The following XPO7 variants were observed in gnomAD, a reference collection of about 807,000 sequenced individuals.
The protein encoded by XPO7 is exportin 7, also known as exportin-7.
XPO7 carries 21 observed loss-of-function variants against 144.3 expected under a neutral mutation model. That is an observed-to-expected ratio of 0.15 (90% confidence interval 0.10 to 0.21). The LOEUF (loss-of-function observed/expected upper bound fraction) is 0.21, where lower values mean the gene tolerates loss of function less well. Among genes scored for constraint, XPO7 ranks in the 10% least tolerant of loss-of-function variants. The pLI is 1.00. For synonymous variants in XPO7, 580 were observed against 499.6 expected, an observed-to-expected ratio of 1.16 and a Z score of -2.15; for missense variants, 808 against 1,325.8, an observed-to-expected ratio of 0.61 and a Z score of 6.06.
Position 21,919,790 on chromosome 8 carries a change from T to G in XPO7, c.18+2T>G. 1 of 481,454 alleles carries G rather than the reference T, an allele frequency of 2.1e-6. No homozygotes were observed. Among genetic ancestry groups the G allele is most frequent in the Admixed American group, 5.1e-5 (1 of 19,418 alleles). 29.8% of individuals were successfully genotyped at this position (481,454 alleles called of 1,614,324 possible). On this transcript the variant is annotated splice_donor_variant, in intron 1 of 27. Transcript: ENST00000252512. LOFTEE classifies it high-confidence loss of function. ...AGCAAAATGGCGGATCATGTGCAGGTGAGAGGAGCCGCGGGGGGGAGGGGG... is the reference window on the plus strand; with the variant it reads ...AGCAAAATGGCGGATCATGTGCAGGGGAGAGGAGCCGCGGGGGGGAGGGGG...
At chr8:21,973,375 T>C (rs1380273349) in intron 5 of XPO7, among the ~76,000 whole-genome samples, 1 of 152,240 alleles carries the variant, frequency 6.6e-6, no homozygotes, top group Non-Finnish European at 1.5e-5. Flanking sequence ...TAGTGTGTAA[T>C]CATTCTCTGT....
At chr8:21,952,282 C>T (rs1324010870) in intron 1 of XPO7, among the ~76,000 whole-genome samples, 1 of 151,354 alleles carries the variant, frequency 6.6e-6, no homozygotes, top group African/African-American at 2.4e-5. Context: ...TTAGTATCAA[C>T]CCTGTTCTTC....
chr8:21,922,569 T>C (rs1168957343), intron 1 of XPO7, among the ~76,000 whole-genome samples: 2 of 152,178 alleles, frequency 1.3e-5, no homozygotes, highest in Non-Finnish European at 2.9e-5. Flanking sequence ...TTAACATATC[T>C]AAAGCTGGTA....
At chr8:21,996,090 C>T (rs560919326) in intron 21 of XPO7, among the ~76,000 whole-genome samples, 1 of 152,284 alleles carries the variant, frequency 6.6e-6, no homozygotes, top group African/African-American at 2.4e-5. Flanking sequence ...GCTGGGATTA[C>T]AGGCGTGAGC....
At position 22,004,744 on chromosome 8, in the gene XPO7, A is replaced by G. The variant is rs571995523; in HGVS notation, c.3171-251A>G. The stretch of plus-strand genomic sequence containing the variant: ...CTTACTGCCCTCACGTGTGAGGGCA[A>G]CTTCCTACTTCTGTCAGTGAGATTT... On this transcript the variant is annotated intron_variant, in intron 27 of 27. Coordinates refer to ENST00000252512, the MANE Select transcript of XPO7 (RefSeq NM_015024.5). 7.2e-5 allele frequency among the ~76,000 whole-genome samples: 11 copies of G among 151,968 alleles called. No homozygotes were observed. The South Asian group carries it at 1.9e-3, about 26-fold the overall frequency.
chr8:21,999,248 C>A lies in XPO7; in HGVS notation c.2586C>A (p.Asp862Glu). Residue 862 changes from aspartate to glutamate, a missense_variant, in exon 23 of 28, where the codon GAC becomes GAA. Asp to Glu is a conservative substitution (Grantham distance 45). Transcript: ENST00000252512. ...GTCTCTATGGAGACGATGCCCTGGA[C>A]AATGCTCTGCAGACCTTCATCAAGC... ...VFRLYGDDAL[D>E]NALQTFIKLL... 6.2e-7 allele frequency: 1 copy of A among 1,613,712 alleles called. No homozygotes were observed.
intron 27 of XPO7, among the ~76,000 whole-genome samples, chr8:22,004,792 A>G (rs1813268266): frequency 6.6e-6 from 1 of 151,976 alleles, no homozygotes; most frequent in South Asian, 2.1e-4. Context: ...CATGAGCCCA[A>G]GGTAGCCCTC....
chr8:22,001,859 G>A (rs1344987056), intron 24 of XPO7, among the ~76,000 whole-genome samples: 1 of 152,142 alleles, frequency 6.6e-6, no homozygotes, highest in Non-Finnish European at 1.5e-5. Context: ...TTTGTGTGAG[G>A]CAGAAGATGT....
At chr8:21,931,526 T>G (rs1217664333) in intron 1 of XPO7, among the ~76,000 whole-genome samples, 1 of 152,258 alleles carries the variant, frequency 6.6e-6, no homozygotes, top group South Asian at 2.1e-4. Context: ...TTTTGTTTGC[T>G]GGAACAGCCT....
chr8:21,935,857 T>C (rs1283169674), intron 1 of XPO7, among the ~76,000 whole-genome samples: 1 of 152,148 alleles, frequency 6.6e-6, no homozygotes, highest in Non-Finnish European at 1.5e-5. Context: ...TCAATCTCTC[T>C]CTCTCTGTCT....
intron 7 of XPO7, among the ~76,000 whole-genome samples, chr8:21,976,812 C>G (rs1214555539): frequency 6.6e-6 from 1 of 152,194 alleles, no homozygotes; most frequent in Non-Finnish European, 1.5e-5. Context: ...TGCCACCACA[C>G]CCGGCTAATT....
chr8:21,941,239 C>T (rs889410451), intron 1 of XPO7, among the ~76,000 whole-genome samples: 11 of 151,962 alleles, frequency 7.2e-5, no homozygotes, highest in Admixed American at 1.3e-4. Flanking sequence ...GCCACAACCC[C>T]GCTCCCTGGA....
At chr8:21,936,774 A>G (rs867494623) in intron 1 of XPO7, among the ~76,000 whole-genome samples, 9 of 152,296 alleles carry the variant, frequency 5.9e-5, no homozygotes, top group Middle Eastern at 6.8e-3. Context: ...TAATCCTATT[A>G]GTGGCCAGTG....
In XPO7 at chr8:21,995,594, T is replaced by C. The variant is rs1190970807; in HGVS notation, c.2340T>C (p.His780=). 3.8e-6 allele frequency: 6 copies of C among 1,596,020 alleles called. No homozygotes were observed. The African/African-American group carries it at 6.7e-5, about 18-fold the overall frequency. ...TCAAGTTGATGGCTGAATTGGTTCA[T>C]AATAGGTAAGCAGGAGGCAGAGCTT... is the stretch of plus-strand genomic sequence containing the variant. ...PVLKLMAELV[H]NRSQRLQFDV... is the part of the protein sequence containing the mutation. The change falls in exon 21 of 28, where the codon CAT becomes CAC. Residue 780 remains histidine, a synonymous_variant. Coordinates refer to ENST00000252512, the MANE Select transcript of XPO7 (RefSeq NM_015024.5).
Position 21,990,345 on chromosome 8 carries a change from T to A in XPO7, c.1870T>A (p.Tyr624Asn). ...TTGACCTTCTTCCTTTGTCTTCACGTACAGTAGCGTAAGGAAGCTAGTGAA... is the reference window on the plus strand; with the variant it reads ...TTGACCTTCTTCCTTTGTCTTCACGAACAGTAGCGTAAGGAAGCTAGTGAA... The part of the protein sequence containing the change: ...LQLLNDLSIG[Y>N]SSVRKLVKLS... Residue 624 changes from tyrosine to asparagine, a missense_variant and splice_region_variant, in exon 17 of 28, where the codon TAC (tyrosine) becomes AAC (asparagine). By Grantham distance (143) the Tyr-to-Asn change is moderately radical. This residue lies in a region of XPO7 where 416 missense variants were observed against 612.5 expected (regional missense o/e 0.68). Coordinates refer to ENST00000252512, the MANE Select transcript of XPO7 (RefSeq NM_015024.5). The A allele has an allele frequency of 6.2e-7, 1 of 1,613,710 alleles. No individual in the cohort carries two copies.
At chr8:21,929,266 A>T (rs1810563335) in intron 1 of XPO7, among the ~76,000 whole-genome samples, 2 of 152,248 alleles carry the variant, frequency 1.3e-5, no homozygotes, top group South Asian at 4.1e-4. Flanking sequence ...AAAGTGGAAC[A>T]TAGGTTATAG....
At chr8:21,977,000 A>C (rs924349899) in intron 7 of XPO7, among the ~76,000 whole-genome samples, 15 of 152,186 alleles carry the variant, frequency 9.9e-5, no homozygotes, top group African/African-American at 3.6e-4. Flanking sequence ...TGTTGGAGTA[A>C]TCTCATAGAT....
intron 6 of XPO7, 26 bp from the exon 7 acceptor site, chr8:21,976,330 G>A (rs755408902): frequency 1.3e-5 from 21 of 1,605,612 alleles, no homozygotes; most frequent in Non-Finnish European, 1.8e-5. Flanking sequence ...TGATTTTGGG[G>A]ACTCATTATG....
chr8:22,004,935 AAAG>A, intron 27 of XPO7, 57 bp from the exon 28 acceptor site: 1 of 841,102 alleles, frequency 1.2e-6, no homozygotes, highest in Non-Finnish European at 1.8e-6. Flanking sequence ...AAAAAAAAAA[AAAG>A]GCAAATACCT....
Sources: allele counts gnomAD v4.1 joint callset (sites outside exome capture counted in the v4.1 genomes callset), GRCh38; gene constraint gnomAD v4.1.1; regional missense constraint gnomAD v4.1.1; transcripts MANE v1.5; gene names NCBI Gene and HGNC (gene_info 2026-07-23, HGNC 2026-07-21).